The following MCM5 variants were observed in gnomAD, a reference collection of about 807,000 sequenced individuals.
MCM5 encodes the protein minichromosome maintenance complex component 5.
MCM5 carries 46 observed loss-of-function variants against 79.9 expected under a neutral mutation model. The ratio of observed to expected loss-of-function variants is 0.58; its 90% CI spans 0.45 to 0.74. The LOEUF is 0.74. Among genes scored for constraint, MCM5 ranks in the 30% least tolerant of loss-of-function variants. MCM5 has a pLI of 0.00. For missense variants in MCM5, 883 were observed against 1,017.0 expected (o/e 0.87, Z 1.79); for synonymous variants, 404 against 390.5 (o/e 1.03, Z -0.41).
the MCM5 span, among the ~76,000 whole-genome samples, chr22:35,445,004 G>T: frequency 6.6e-6 from 1 of 152,252 alleles, no homozygotes; most frequent in Admixed American, 6.5e-5. Flanking sequence ...CCTGTGACCT[G>T]CTTCTGGCCA....
the MCM5 span, among the ~76,000 whole-genome samples, chr22:35,442,056 C>T: frequency 8.7e-6 from 1 of 114,590 alleles, no homozygotes; most frequent in Non-Finnish European, 2.0e-5. Flanking sequence ...TAAATCTGAT[C>T]GAGCTACTCC....
At chr22:35,449,709 A>G in the MCM5 span, among the ~76,000 whole-genome samples, 13 of 152,324 alleles carry the variant, frequency 8.5e-5, no homozygotes, top group African/African-American at 2.9e-4. Flanking sequence ...GGCTTTGGCT[A>G]TGCTCTATGC....
intron 8 of MCM5, among the ~76,000 whole-genome samples, chr22:35,413,553 CTCTG>C (rs1932450118): frequency 2.0e-5 from 3 of 152,174 alleles, no homozygotes; most frequent in Admixed American, 2.0e-4. Context: ...ACAGGCAGCT[CTCTG>C]TCCTTTTCTT....
chr22:35,416,436 C>T (rs1932542001), intron 11 of MCM5, 32 bp downstream of exon 11: 3 of 1,607,932 alleles, frequency 1.9e-6, no homozygotes, highest in Non-Finnish European at 2.5e-6. Context: ...GCCCAGCCTG[C>T]AGCAGCCCAG....
At chr22:35,431,694 A>G in the MCM5 span, among the ~76,000 whole-genome samples, 3 of 152,070 alleles carry the variant, frequency 2.0e-5, no homozygotes, top group Non-Finnish European at 4.4e-5. Context: ...TCCCACTGCC[A>G]TCCCTGTCAA....
At chr22:35,442,373 T>C in the MCM5 span, among the ~76,000 whole-genome samples, 1 of 151,506 alleles carries the variant, frequency 6.6e-6, no homozygotes, top group African/African-American at 2.4e-5. Flanking sequence ...AAAAAAAACA[T>C]CACAAACTCA....
chr22:35,404,921 T>C (rs548566401), intron 4 of MCM5, among the ~76,000 whole-genome samples: 6 of 152,348 alleles, frequency 3.9e-5, no homozygotes, highest in Admixed American at 1.3e-4. Context: ...ATGTTTTACT[T>C]TTTATTATGG....
chr22:35,414,103 C>T, intron 9 of MCM5, 117 bp downstream of exon 9: 1 of 662,436 alleles, frequency 1.5e-6, no homozygotes, highest in East Asian at 2.7e-5. Flanking sequence ...TCTCTTCCTC[C>T]TTTCTCTTGG....
the MCM5 span, among the ~76,000 whole-genome samples, chr22:35,447,082 A>C: frequency 6.6e-6 from 1 of 152,102 alleles, no homozygotes; most frequent in South Asian, 2.1e-4. Context: ...GTTCAGCCCC[A>C]AGGCTGGTCC....
chr22:35,427,801 A>C (rs1601767065), downstream of MCM5, among the ~76,000 whole-genome samples: 2 of 152,038 alleles, frequency 1.3e-5, no homozygotes, highest in Non-Finnish European at 2.9e-5. Flanking sequence ...GTACATTAAA[A>C]TGGTTTTAAT....
At position 35,408,422 on chromosome 22, in the gene MCM5, G is replaced by A. The variant is rs371319659; in HGVS notation, c.611G>A (p.Arg204His). The change falls in exon 6 of 17, where the codon CGC (arginine) becomes CAC (histidine). Residue 204 changes from arginine to histidine, a missense_variant. Transcript: ENST00000216122. ...PRKCNTDQAG[R>H]PKCPLDPYFI... Reference sequence around the variant, plus strand: ...ACCTTGTACAGAGATCAGGCTGGGCGCCCCAAATGCCCATTGGACCCGTAC... The same window carrying A: ...ACCTTGTACAGAGATCAGGCTGGGCACCCCAAATGCCCATTGGACCCGTAC... 8.5e-5 allele frequency: 137 copies of A among 1,613,838 alleles called. No homozygotes were observed. The highest frequency in any genetic ancestry group is 4.1e-4 in the South Asian group (37 of 91,076).
chr22:35,443,994 C>G, the MCM5 span, among the ~76,000 whole-genome samples: 1 of 152,100 alleles, frequency 6.6e-6, no homozygotes, highest in Non-Finnish European at 1.5e-5. Context: ...AAAATGGGAG[C>G]AGGGATAGTT....
the MCM5 span, among the ~76,000 whole-genome samples, chr22:35,444,513 C>A: frequency 6.6e-6 from 1 of 152,088 alleles, no homozygotes; most frequent in Non-Finnish European, 1.5e-5. Context: ...CTGTCGCGGC[C>A]CAGAGCTTGG....
In MCM5 at chr22:35,424,349, C is replaced by T. The variant is rs879580848; in HGVS notation, c.*94C>T. 75 of 883,946 alleles carry T rather than the reference C, an allele frequency of 8.5e-5. No individual in the cohort carries two copies. The highest frequency in any genetic ancestry group is 1.2e-4 in the Non-Finnish European group (69 of 578,706). The allele number at this position is 883,946 out of a possible 1,614,324, so 54.8% of individuals were successfully genotyped here. ...CAATGTTGCTGGGACCTCTGCCTCCCCACTGCAGCCCTCGAACTTCCCAGG... is the reference window on the plus strand; with the variant it reads ...CAATGTTGCTGGGACCTCTGCCTCCTCACTGCAGCCCTCGAACTTCCCAGG... On this transcript the variant is annotated 3_prime_UTR_variant, in exon 17 of 17. Transcript: ENST00000216122.
Position 35,416,673 on chromosome 22 carries a change from C to T in MCM5, c.1449C>T (p.Ser483=), listed in dbSNP as rs769921753. The T allele has an allele frequency of 2.0e-5, 33 of 1,613,930 alleles. No homozygotes were observed. Among genetic ancestry groups the T allele is most frequent in the South Asian group, 7.7e-5 (7 of 91,078 alleles). Residue 483 remains serine (S), a synonymous_variant, in exon 12 of 17, where the codon TCC becomes TCT. Coordinates refer to ENST00000216122, the MANE Select transcript of MCM5 (RefSeq NM_006739.4). The part of the protein sequence containing the change: ...GITTTLNSRC[S]VLAAANSVFG... ...CCACCACCCTGAACTCCCGCTGCTC[C>T]GTCCTGGCTGCTGCCAACTCAGTGT... is the stretch of plus-strand genomic sequence containing the variant.
chr22:35,412,307 C>T (rs1932405534), intron 7 of MCM5, among the ~76,000 whole-genome samples: 1 of 152,238 alleles, frequency 6.6e-6, no homozygotes. Context: ...CTTCCCCTCA[C>T]CCTTTGGACC....
At chr22:35,416,315 G>A in intron 10 of MCM5, 24 bp from the exon 11 acceptor site, 1 of 1,610,836 alleles carries the variant, frequency 6.2e-7, no homozygotes, top group Non-Finnish European at 8.5e-7. Context: ...TAGGTCTGAT[G>A]ATATTTCTCT....
chr22:35,424,150 A>G lies in MCM5; in HGVS notation c.2104-4A>G. ...TGCCGTTAGCCAGCCATGTGCTCCC[A>G]CAGAAATACCCGGAGCACGCCATCC... On this transcript the variant is annotated splice_polypyrimidine_tract_variant and splice_region_variant and intron_variant, in intron 16 of 16. Transcript: ENST00000216122. 6.5e-7 allele frequency: 1 copy of G among 1,546,600 alleles called. No individual in the cohort carries two copies. The highest frequency in any genetic ancestry group is 8.7e-7 in the Non-Finnish European group (1 of 1,143,334).
downstream of MCM5, among the ~76,000 whole-genome samples, chr22:35,425,676 A>AG (rs1932772996): frequency 6.6e-6 from 1 of 152,004 alleles, no homozygotes; most frequent in African/African-American, 2.4e-5. Flanking sequence ...TTTGCATCCA[A>AG]GGCTGCATCT....
Sources: allele counts gnomAD v4.1 joint callset (sites outside exome capture counted in the v4.1 genomes callset), GRCh38; gene constraint gnomAD v4.1.1; transcripts MANE v1.5; gene names NCBI Gene and HGNC (gene_info 2026-07-23, HGNC 2026-07-21).